TLE2: variants seen among roughly 807,000 people sequenced by gnomAD.
TLE2 encodes TLE family member 2, transcriptional corepressor, also known as transducin-like enhancer protein 2.
Under a neutral mutation model 97.2 loss-of-function variants are expected in TLE2, and 74 were observed. That is an observed-to-expected ratio of 0.76 (90% CI 0.63 to 0.92). TLE2 has a LOEUF of 0.92. Among genes scored for constraint, TLE2 ranks in the 40% least tolerant of loss-of-function variants. The probability of loss-of-function intolerance (pLI) is 0.00; values close to 1 mark genes in which losing one functional copy is unlikely to be tolerated. For synonymous variants in TLE2, 499 were observed against 432.1 expected, an observed-to-expected ratio of 1.15 and a Z score of -1.92; for missense variants, 1,038 against 1,008.7, an observed-to-expected ratio of 1.03 and a Z score of -0.39.
rs185073091 is a variant in TLE2, at chr19:3,019,829, G to A, written c.295-56C>T. 33 of 1,568,126 alleles carry A rather than the reference G, an allele frequency of 2.1e-5. No individual in the cohort carries two copies. Among genetic ancestry groups the A allele is most frequent in the Admixed American group, 1.1e-4 (6 of 53,686 alleles). The stretch of plus-strand genomic sequence containing the variant: ...ACATTGAGCCCCTGCTCATGCTAGC[G>A]GTGCCCTTGGGGACCTGACCTCTCC... On this transcript the variant is annotated intron_variant, in intron 5 of 19. Transcript: ENST00000262953. The surrounding 1 kb of genome is among the most constrained non-coding windows in gnomAD (Gnocchi z 5.1).
intron 14 of TLE2, among the ~76,000 whole-genome samples, 169 bp downstream of exon 14, chr19:3,008,700 C>T (rs1012020531): frequency 1.3e-5 from 2 of 152,208 alleles, no homozygotes; most frequent in Non-Finnish European, 2.9e-5. Context: ...ATCCACCTGC[C>T]TCAGCCTTCC....
rs549764734 is a variant in TLE2, at chr19:3,018,819, T to C, written c.550+464A>G. ...TTTTAGTAGAGATGGGGTTTTCCCA[T>C]GTTGGCCAGGCTGCTCTCGAACTCC... On this transcript the variant is annotated intron_variant, in intron 7 of 19. Coordinates refer to ENST00000262953, the MANE Select transcript of TLE2 (RefSeq NM_003260.5). 8.0e-5 allele frequency among the ~76,000 whole-genome samples: 12 copies of C among 149,172 alleles called. No homozygotes were observed. In the East Asian group the frequency reaches 2.4e-3, roughly 30 times the overall value.
intron 8 of TLE2, 157 bp from the exon 9 acceptor site, chr19:3,015,917 T>G (rs147333656): frequency 1.4e-6 from 1 of 702,230 alleles, no homozygotes; most frequent in Non-Finnish European, 2.6e-6. Context: ...GCTGACTCAG[T>G]GCTAAGGTTT....
intron 5 of TLE2, among the ~76,000 whole-genome samples, chr19:3,024,437 A>G (rs7251484): frequency 0.49 from 73,608 of 151,484 alleles, 18,820 homozygotes; most frequent in African/African-American, 0.65. Flanking sequence ...CTGTCCCCAT[A>G]AAACTCTCAC....
chr19:3,017,343 G>A (rs2089731219), intron 8 of TLE2, among the ~76,000 whole-genome samples: 1 of 151,560 alleles, frequency 6.6e-6, no homozygotes, highest in Non-Finnish European at 1.5e-5. Flanking sequence ...TTGCCATGTT[G>A]GCCAGGCTGC....
intron 2 of TLE2, 115 bp downstream of exon 2, chr19:3,028,591 T>G: frequency 7.8e-7 from 1 of 1,287,196 alleles, no homozygotes; most frequent in Non-Finnish European, 1.1e-6. Flanking sequence ...CTGGAGGCCT[T>G]TGTCGCGCCC....
chr19:3,031,377 TG>T, upstream of TLE2, among the ~76,000 whole-genome samples: 1 of 150,240 alleles, frequency 6.7e-6, no homozygotes, highest in African/African-American at 2.5e-5. Context: ...TGTGTGTGTG[TG>T]TGTGTGTGTA....
At chr19:3,036,015 G>T (rs1807419720) in intron 1 of TLE2, among the ~76,000 whole-genome samples, 1 of 152,214 alleles carries the variant, frequency 6.6e-6, no homozygotes, top group Non-Finnish European at 1.5e-5. Flanking sequence ...AGCAGAGGTT[G>T]CATCTTTCTC....
At chr19:3,015,869 C>T in intron 8 of TLE2, 109 bp from the exon 9 acceptor site, 2 of 795,172 alleles carry the variant, frequency 2.5e-6, no homozygotes, top group Non-Finnish European at 4.3e-6. Context: ...AGGGTCCGGA[C>T]CTCAAGCTTC....
At chr19:3,024,965 T>A (rs1396962211) in intron 5 of TLE2, 55 bp downstream of exon 5, 3 of 1,466,478 alleles carry the variant, frequency 2.0e-6, no homozygotes, top group Non-Finnish European at 1.9e-6. Context: ...ACCTACCCCC[T>A]CCCGTCTTCT....
chr19:3,020,883 C>G (rs1355753366), intron 5 of TLE2, among the ~76,000 whole-genome samples: 2 of 151,336 alleles, frequency 1.3e-5, no homozygotes, highest in Non-Finnish European at 2.9e-5. Flanking sequence ...GTCAGGAGTT[C>G]AAGACCAGCC....
At chr19:3,001,392 G>T (rs62125445) in intron 18 of TLE2, among the ~76,000 whole-genome samples, 1 of 151,954 alleles carries the variant, frequency 6.6e-6, no homozygotes, top group Non-Finnish European at 1.5e-5. Context: ...TGGGATTACA[G>T]GTGTGAGCCA....
chr19:3,045,460 T>G (rs1407127039), intron 1 of TLE2, among the ~76,000 whole-genome samples: 2 of 152,152 alleles, frequency 1.3e-5, no homozygotes. Flanking sequence ...AATCGGTCTT[T>G]CAAGTCCTTC....
At chr19:3,017,970 A>G in intron 7 of TLE2, 111 bp from the exon 8 acceptor site, 1 of 876,872 alleles carries the variant, frequency 1.1e-6, no homozygotes, top group Non-Finnish European at 1.7e-6. Context: ...CGCCCCCACC[A>G]CCCCACTCAG....
At chr19:3,015,554 A>T in intron 9 of TLE2, 99 bp downstream of exon 9, 1 of 926,600 alleles carries the variant, frequency 1.1e-6, no homozygotes, top group Non-Finnish European at 1.7e-6. Flanking sequence ...CTCCGGAGTG[A>T]GAGAATTATG....
At chr19:3,038,967 C>T (rs964207185) in intron 1 of TLE2, among the ~76,000 whole-genome samples, 1 of 151,726 alleles carries the variant, frequency 6.6e-6, no homozygotes, top group Non-Finnish European at 1.5e-5. Context: ...CGCTTGAACC[C>T]GGGAGGCGGA....
upstream of TLE2, among the ~76,000 whole-genome samples, chr19:3,033,989 A>G (rs573503608): frequency 2.6e-5 from 4 of 152,148 alleles, no homozygotes; most frequent in East Asian, 7.7e-4. Context: ...CCGCCTCGTG[A>G]GGATGGCTGC....
intron 9 of TLE2, 26 bp downstream of exon 9, chr19:3,015,627 C>T (rs764330571): frequency 6.4e-7 from 1 of 1,564,494 alleles, no homozygotes; most frequent in South Asian, 1.2e-5. Flanking sequence ...CACGCCCATC[C>T]CAGTCCTGCA....
chr19:3,006,719 A>C (rs2089488217), intron 14 of TLE2, 50 bp from the exon 15 acceptor site: 3 of 1,534,954 alleles, frequency 2.0e-6, no homozygotes, highest in Non-Finnish European at 2.6e-6. Flanking sequence ...ACGCCCCCGC[A>C]CCCGCACCTG....
Sources: gnomAD v4.1 joint callset for allele counts (sites outside exome capture counted in the v4.1 genomes callset) on GRCh38, gnomAD v4.1.1 for gene constraint, Gnocchi (gnomAD v3.1) non-coding constraint, MANE v1.5 for transcripts, NCBI Gene and HGNC (gene_info 2026-07-23, HGNC 2026-07-21) for gene names.